The following LAMA2 variants were observed in gnomAD, a reference collection of about 807,000 sequenced individuals.
LAMA2 encodes laminin subunit alpha-2.
In LAMA2, 269 loss-of-function variants were observed where a neutral mutation model predicts 364.8. The ratio of observed to expected loss-of-function variants is 0.74; its 90% CI spans 0.67 to 0.82. The LOEUF is 0.82. LAMA2 is among the 40% of genes least tolerant of loss of function. The pLI is 0.00. For missense variants in LAMA2, 3,807 were observed against 3,873.2 expected, an observed-to-expected ratio of 0.98 and a Z score of 0.45; for synonymous variants, 1,379 against 1,370.6, an observed-to-expected ratio of 1.01 and a Z score of -0.14.
At chr6:129,429,175 G>A (rs1781470777) in intron 41 of LAMA2, among the ~76,000 whole-genome samples, 1 of 152,080 alleles carries the variant, frequency 6.6e-6, no homozygotes, top group Non-Finnish European at 1.5e-5. Flanking sequence ...TGATTTACAT[G>A]CCCCCTCTCT....
At chr6:128,939,001 T>G (rs969847568) in intron 1 of LAMA2, among the ~76,000 whole-genome samples, 8 of 152,322 alleles carry the variant, frequency 5.3e-5, no homozygotes, top group Non-Finnish European at 8.8e-5. Flanking sequence ...CTAACTCATC[T>G]TTTTGCTTTC....
chr6:129,445,991 T>C (rs1782353547), intron 45 of LAMA2, among the ~76,000 whole-genome samples, 170 bp downstream of exon 45: 1 of 152,188 alleles, frequency 6.6e-6, no homozygotes, highest in Non-Finnish European at 1.5e-5. Flanking sequence ...TAGTTTTGTT[T>C]TGTTTGTAAA....
chr6:129,456,660 C>T (rs1004167574), intron 48 of LAMA2, among the ~76,000 whole-genome samples, 166 bp downstream of exon 48: 15 of 152,078 alleles, frequency 9.9e-5, no homozygotes, highest in Admixed American at 3.3e-4. Flanking sequence ...TCTTCTTTGA[C>T]GATTCAACCT....
rs150147627 is a variant in LAMA2 at position 129,039,119 on chromosome 6, C to T, written c.113-10799C>T. ...GTAATTTTATAGACTTGAGAGCCACCGTAAAAAATACTAAAGTTACAGTAT... is the reference window on the plus strand; with the variant it reads ...GTAATTTTATAGACTTGAGAGCCACTGTAAAAAATACTAAAGTTACAGTAT... On this transcript the variant is annotated intron_variant, in intron 1 of 64. Transcript: ENST00000421865. Among the ~76,000 whole-genome samples the T allele has an allele frequency of 3.6e-3, 545 of 151,806 alleles. 1 individual carries two copies. Among genetic ancestry groups the T allele is most frequent in the South Asian group, 0.018 (86 of 4,790 alleles).
intron 9 of LAMA2, among the ~76,000 whole-genome samples, chr6:129,175,842 A>G (rs1780550878): frequency 6.6e-6 from 1 of 152,160 alleles, no homozygotes; most frequent in Non-Finnish European, 1.5e-5. Flanking sequence ...AAGTATAATA[A>G]TAAAAAAAAT....
chr6:129,210,878 A>G (rs1414668068), intron 12 of LAMA2, among the ~76,000 whole-genome samples: 1 of 152,074 alleles, frequency 6.6e-6, no homozygotes, highest in Non-Finnish European at 1.5e-5. Flanking sequence ...ACAGTGGTCG[A>G]CAGAGTTCAT....
intron 1 of LAMA2, among the ~76,000 whole-genome samples, chr6:128,947,329 G>A (rs1015779055): frequency 5.3e-5 from 8 of 152,126 alleles, no homozygotes; most frequent in Admixed American, 2.6e-4. Context: ...AAGCTCAAGG[G>A]TCAACTCTTT....
At chr6:129,320,156 T>TAAATAAAG (rs1774866311) in intron 27 of LAMA2, among the ~76,000 whole-genome samples, 1 of 149,242 alleles carries the variant, frequency 6.7e-6, no homozygotes, top group Non-Finnish European at 1.5e-5. Context: ...AATAAATAAA[T>TAAATAAAG]AAAAAGAAAA....
intron 1 of LAMA2, among the ~76,000 whole-genome samples, chr6:128,949,514 A>G (rs1324125219): frequency 1.3e-5 from 2 of 152,188 alleles, no homozygotes; most frequent in African/African-American, 2.4e-5. Flanking sequence ...AAGAAAGACA[A>G]GAAGGATAGG....
chr6:129,454,171 T>C lies in LAMA2; in HGVS notation c.6590T>C (p.Ile2197Thr), dbSNP rs1230711620. Residue 2197 changes from isoleucine to threonine, a missense_variant, in exon 47 of 65, where the codon ATA becomes ACA. Ile to Thr is a moderately conservative substitution (Grantham distance 89). Transcript: ENST00000421865. ...CTGAACTAGATTGACTTTCTGGCTA[T>C]AGAAATGCGTAAAGGCAAAGTCAGC... The part of the protein sequence containing the change: ...GSAKFIDFLA[I>T]EMRKGKVSFL... 6.2e-7 allele frequency: 1 copy of C among 1,612,564 alleles called. No homozygotes were observed. Among genetic ancestry groups the C allele is most frequent in the African/African-American group, 1.3e-5 (1 of 74,828 alleles).
intron 20 of LAMA2, among the ~76,000 whole-genome samples, chr6:129,293,983 T>G (rs1237666656): frequency 6.6e-6 from 1 of 152,172 alleles, no homozygotes. Context: ...TAAGATCCAC[T>G]TCAGAGGGTT....
chr6:129,002,574 TA>T (rs1784231404), intron 1 of LAMA2, among the ~76,000 whole-genome samples: 1 of 14,288 alleles, frequency 7.0e-5, no homozygotes, highest in Non-Finnish European at 1.1e-4. Flanking sequence ...AAAATCAATG[TA>T]CAAAAATCAC....
At chr6:129,121,451 A>G (rs1776801978) in intron 4 of LAMA2, among the ~76,000 whole-genome samples, 1 of 152,150 alleles carries the variant, frequency 6.6e-6, no homozygotes, top group South Asian at 2.1e-4. Flanking sequence ...CCCATGGATT[A>G]GCAACTTTGT....
chr6:129,128,411 T>C (rs2114931185), intron 4 of LAMA2, among the ~76,000 whole-genome samples: 1 of 152,324 alleles, frequency 6.6e-6, no homozygotes, highest in Non-Finnish European at 1.5e-5. Context: ...TTTGTAGTAT[T>C]GTTTGAAGTC....
rs1369710513 is a variant in LAMA2, at chr6:129,351,851, GA to G, written c.4524-1306del. On this transcript the variant is annotated intron_variant, in intron 31 of 64. Coordinates refer to ENST00000421865, the MANE Select transcript of LAMA2 (RefSeq NM_000426.4). Reference sequence around the variant, plus strand: ...CTTTCAGTATTTGTACTCTTTCATTGAAAAAAATAATCAAAAACATGAATGT... The same window carrying G: ...CTTTCAGTATTTGTACTCTTTCATTGAAAAAATAATCAAAAACATGAATGT... Among the ~76,000 whole-genome samples the G allele has an allele frequency of 5.3e-5, 8 of 152,030 alleles. No individual in the cohort carries two copies. The East Asian group carries it at 1.4e-3, about 26-fold the overall frequency.
intron 1 of LAMA2, among the ~76,000 whole-genome samples, chr6:128,918,136 G>C (rs1778463410): frequency 6.6e-6 from 1 of 152,030 alleles, no homozygotes; most frequent in South Asian, 2.1e-4. Flanking sequence ...GATTAGCTCT[G>C]TTTTTCTGTG....
At chr6:129,155,446 C>T (rs1779053822) in intron 8 of LAMA2, among the ~76,000 whole-genome samples, 3 of 152,042 alleles carry the variant, frequency 2.0e-5, no homozygotes, top group African/African-American at 7.2e-5. Flanking sequence ...TGTGAAATGG[C>T]ATCTGATTAT....
At chr6:128,911,452 C>T (rs1329187681) in intron 1 of LAMA2, among the ~76,000 whole-genome samples, 4 of 152,150 alleles carry the variant, frequency 2.6e-5, no homozygotes, top group East Asian at 1.9e-4. Context: ...ACTCCCTGAC[C>T]CCTTGCGCTT....
intron 1 of LAMA2, among the ~76,000 whole-genome samples, chr6:128,886,411 T>G (rs1776150302): frequency 6.6e-6 from 1 of 152,172 alleles, no homozygotes; most frequent in Non-Finnish European, 1.5e-5. Context: ...AAGTTCGATA[T>G]GAACATATAG....
Sources: gnomAD v4.1 joint callset for allele counts (sites outside exome capture counted in the v4.1 genomes callset) on GRCh38, gnomAD v4.1.1 for gene constraint, MANE v1.5 for transcripts, NCBI Gene and HGNC (gene_info 2026-07-23, HGNC 2026-07-21) for gene names.